Variants in ZNF497 observed in about 807,000 individuals in gnomAD.
ZNF497 encodes the protein zinc finger-like protein.
For synonymous variants in ZNF497, 422 were observed against 313.7 expected (o/e 1.35, Z -3.65); for missense variants, 930 against 714.0 (o/e 1.30, Z -3.45).
In ZNF497 at chr19:58,357,206, C is replaced by G; in HGVS notation, c.430G>C (p.Ala144Pro). ...YTCPECGKAF[A>P]WSSNLSQHQR... is the part of the protein sequence containing the mutation. ...TGCTGGCTGAGGTTGGAGCTCCAGG[C>G]GAAGGCCTTGCCGCACTCGGGGCAC... The change falls in exon 3 of 3, where the codon GCC (alanine) becomes CCC (proline). Residue 144 changes from alanine to proline, a missense_variant. Transcript: ENST00000311044. 1 of 1,605,482 alleles carries G rather than the reference C, an allele frequency of 6.2e-7. No individual in the cohort carries two copies. The highest frequency in any genetic ancestry group is 8.5e-7 in the Non-Finnish European group (1 of 1,177,290).
rs184502517 is a variant in ZNF497 at position 58,358,285 on chromosome 19, C to T, written c.-15+204G>A. 87 of 1,289,432 alleles carry T rather than the reference C, an allele frequency of 6.7e-5. No homozygotes were observed. In the African/African-American group the frequency reaches 8.5e-4, roughly 13 times the overall value. 79.9% of individuals were successfully genotyped at this position (1,289,432 alleles called of 1,614,324 possible). A position where few individuals can be genotyped will look rare whatever the true frequency, so the allele number is the denominator to read the frequency against. On this transcript the variant is annotated intron_variant, in intron 2 of 2. Transcript: ENST00000311044. ...CATGGGGTGGCTGTGCAGCCCAGAT[C>T]CCTGAGAGAGAGAGAGGCCAAGGGT...
chr19:58,357,138 C>G lies in ZNF497; in HGVS notation c.498G>C (p.Glu166Asp). 1 of 1,602,482 alleles carries G rather than the reference C, an allele frequency of 6.2e-7. No individual in the cohort carries two copies. The highest frequency in any genetic ancestry group is 2.2e-5 in the East Asian group (1 of 44,632). The change falls in exon 3 of 3, where the codon GAG becomes GAC. Residue 166 changes from glutamate to aspartate, a missense_variant. By Grantham distance (45) the Glu-to-Asp change is conservative. Coordinates refer to ENST00000311044, the MANE Select transcript of ZNF497 (RefSeq NM_198458.3). ...HSGEKPYACR[E>D]CGKAFRAHSQ... The stretch of plus-strand genomic sequence containing the variant: ...AGTGCGCGCGGAAGGCCTTGCCGCA[C>G]TCCCTGCAAGCGTAGGGCTTCTCGC...
Position 58,356,623 on chromosome 19 carries a change from G to C in ZNF497, c.1013C>G (p.Ala338Gly). 6.5e-7 allele frequency: 1 copy of C among 1,546,738 alleles called. No individual in the cohort carries two copies. Among genetic ancestry groups the C allele is most frequent in the Non-Finnish European group, 8.7e-7 (1 of 1,151,194 alleles). Reference protein sequence around the residue: ...RPFECAECGQAFVMGSYLAEH... With the variant: ...RPFECAECGQGFVMGSYLAEH... ...CGCCAGGTAGGAGCCCATGACGAAA[G>C]CCTGGCCGCACTCGGCGCACTCGAA... Residue 338 changes from alanine to glycine, a missense_variant, in exon 3 of 3, where the codon GCT becomes GGT. Ala to Gly is a moderately conservative substitution (Grantham distance 60, BLOSUM62 0). Transcript: ENST00000311044.
chr19:58,360,967 A>G (rs1441396762), intron 1 of ZNF497, among the ~76,000 whole-genome samples: 2 of 151,542 alleles, frequency 1.3e-5, no homozygotes, highest in African/African-American at 4.8e-5. Context: ...TATTTTTGGT[A>G]GAGCCGGGGT....
rs777561571 is a variant in ZNF497, at chr19:58,356,833, T to G, written c.803A>C (p.His268Pro). ...SSNLAEHLKIHAGARPHACPD... is the reference protein window; with the variant it reads ...SSNLAEHLKIPAGARPHACPD... ...ACAGGCGTGTGGCCGTGCGCCCGCG[T>G]GGATCTTCAGGTGCTCGGCCAGGTT... The change falls in exon 3 of 3, where the codon CAC becomes CCC. Residue 268 changes from histidine (H) to proline (P), a missense_variant. Transcript: ENST00000311044. The G allele has an allele frequency of 6.3e-7, 1 of 1,575,660 alleles. No individual in the cohort carries two copies. Among genetic ancestry groups the G allele is most frequent in the Non-Finnish European group, 8.6e-7 (1 of 1,166,510 alleles).
At chr19:58,358,358 C>T (rs2052052272) in intron 2 of ZNF497, 131 bp downstream of exon 2, 1 of 1,228,182 alleles carries the variant, frequency 8.1e-7, no homozygotes, top group Non-Finnish European at 1.1e-6. Flanking sequence ...TCCAGCCGAT[C>T]CTTCCCACAG....
At chr19:58,361,397 C>T (rs1333743963) in intron 1 of ZNF497, among the ~76,000 whole-genome samples, 1 of 152,114 alleles carries the variant, frequency 6.6e-6, no homozygotes, top group African/African-American at 2.4e-5. Context: ...CGCTCTGTTG[C>T]CCAGGTTGGA....
Position 58,357,714 on chromosome 19 carries a change from G to A in ZNF497, c.-14-65C>T, listed in dbSNP as rs912623107. On this transcript the variant is annotated intron_variant, in intron 2 of 2. Transcript: ENST00000311044. Reference sequence around the variant, plus strand: ...AAAGAACACCAGACAGAGGGCCTGAGGGGGACACGACGGTGGGTGGGCTGT... The same window carrying A: ...AAAGAACACCAGACAGAGGGCCTGAAGGGGACACGACGGTGGGTGGGCTGT... 7 of 1,430,932 alleles carry A rather than the reference G, an allele frequency of 4.9e-6. No homozygotes were observed. The African/African-American group carries it at 8.6e-5, about 18-fold the overall frequency. 88.6% of individuals were successfully genotyped at this position (1,430,932 alleles called of 1,614,324 possible). A position where few individuals can be genotyped will look rare whatever the true frequency, so the allele number is the denominator to read the frequency against.
intron 1 of ZNF497, chr19:58,359,100 C>T (rs1370025194): frequency 1.0e-6 from 1 of 974,414 alleles, no homozygotes; most frequent in Non-Finnish European, 1.4e-6. Context: ...CAACACAGCT[C>T]ACGCAGCTGA....
At position 58,356,651 on chromosome 19, in the gene ZNF497, G is replaced by A; in HGVS notation, c.985C>T (p.Pro329Ser). Residue 329 changes from proline (P) to serine (S), a missense_variant, in exon 3 of 3, where the codon CCC becomes TCC. Physicochemically the swap from Pro to Ser is moderately conservative, Grantham distance 74 (BLOSUM62 -1). Coordinates refer to ENST00000311044, the MANE Select transcript of ZNF497 (RefSeq NM_198458.3). ...QHQRTHTGER[P>S]FECAECGQAF... ...TGGCCGCACTCGGCGCACTCGAAGG[G>A]CCGCTCACCAGTGTGCGTGCGCTGG... 6.5e-7 allele frequency: 1 copy of A among 1,548,514 alleles called. No homozygotes were observed. Among genetic ancestry groups the A allele is most frequent in the Non-Finnish European group, 8.7e-7 (1 of 1,152,396 alleles).
rs1316866662 is a variant in ZNF497, at chr19:58,356,519, G to T, written c.1117C>A (p.Leu373Ile). 15 of 1,551,106 alleles carry T rather than the reference G, an allele frequency of 9.7e-6. No individual in the cohort carries two copies. Among genetic ancestry groups the T allele is most frequent in the Non-Finnish European group, 1.3e-5 (15 of 1,153,614 alleles). Residue 373 changes from leucine to isoleucine, a missense_variant, in exon 3 of 3, where the codon CTA becomes ATA. Coordinates refer to ENST00000311044, the MANE Select transcript of ZNF497 (RefSeq NM_198458.3). ...GAGTGCGTGCGCCGGTGGCTCAGTAGGTTGGAGCGCTGGCTGAAGGCCTTG... is the reference window on the plus strand; with the variant it reads ...GAGTGCGTGCGCCGGTGGCTCAGTATGTTGGAGCGCTGGCTGAAGGCCTTG... ...CGKAFSQRSN[L>I]LSHRRTHSGA...
rs1303995518 is a variant in ZNF497, at chr19:58,356,802, G to A, written c.834C>T (p.Asp278=). The change falls in exon 3 of 3, where the codon GAC becomes GAT. Residue 278 remains aspartate (D), a synonymous_variant. Coordinates refer to ENST00000311044, the MANE Select transcript of ZNF497 (RefSeq NM_198458.3). ...HAGARPHACP[D]CGKAFVRVAG... ...CCACACGCACGAAGGCCTTGCCGCA[G>A]TCGGGACAGGCGTGTGGCCGTGCGC... 1.9e-6 allele frequency: 3 copies of A among 1,576,192 alleles called. No individual in the cohort carries two copies. The highest frequency in any genetic ancestry group is 2.3e-5 in the East Asian group (1 of 43,274).
Position 58,357,555 on chromosome 19 carries a change from C to T in ZNF497, c.81G>A (p.Arg27=), listed in dbSNP as rs1310630170. 7.5e-6 allele frequency: 12 copies of T among 1,603,636 alleles called. No individual in the cohort carries two copies. The highest frequency in any genetic ancestry group is 3.3e-5 in the South Asian group (3 of 89,916). The change falls in exon 3 of 3, where the codon AGG becomes AGA. Residue 27 remains arginine, a synonymous_variant. Coordinates refer to ENST00000311044, the MANE Select transcript of ZNF497 (RefSeq NM_198458.3). ...QVLCNVKTAT[R]GLSEGAVSGG... ...CAGACACAGCCCCCTCAGAGAGGCC[C>T]CTCGTGGCAGTCTTCACATTGCAGA...
Position 58,357,581 on chromosome 19 carries a change from G to A in ZNF497, c.55C>T (p.Leu19Phe). 1 of 1,584,522 alleles carries A rather than the reference G, an allele frequency of 6.3e-7. No individual in the cohort carries two copies. Among genetic ancestry groups the A allele is most frequent in the Non-Finnish European group, 8.6e-7 (1 of 1,166,524 alleles). ...CTCGTGGCAGTCTTCACATTGCAGA[G>A]GACCTGGCCTTCCTCTGGGGCCACC... ...LQVAPEEGQVLCNVKTATRGL... is the reference protein window; with the variant it reads ...LQVAPEEGQVFCNVKTATRGL... Residue 19 changes from leucine to phenylalanine, a missense_variant, in exon 3 of 3, where the codon CTC becomes TTC. Leu to Phe is a conservative substitution (Grantham distance 22). Transcript: ENST00000311044.
chr19:58,359,049 G>A (rs1194584692), intron 1 of ZNF497: 1 of 568,842 alleles, frequency 1.8e-6, no homozygotes, highest in African/African-American at 1.9e-5. Context: ...AAGAGCTCCA[G>A]CATCTGCTCC....
At chr19:58,361,331 G>A (rs1015924329) in intron 1 of ZNF497, among the ~76,000 whole-genome samples, 7 of 152,304 alleles carry the variant, frequency 4.6e-5, no homozygotes, top group Admixed American at 1.3e-4. Flanking sequence ...CTGCATCTCA[G>A]TTGTGATATT....
chr19:58,362,292 C>T (rs2052102595), intron 1 of ZNF497, among the ~76,000 whole-genome samples: 1 of 152,242 alleles, frequency 6.6e-6, no homozygotes, highest in Non-Finnish European at 1.5e-5. Flanking sequence ...GAGGCGAGCC[C>T]AGCCTGGTGA....
rs777491463 is a variant in ZNF497 at position 58,357,558 on chromosome 19, C to G, written c.78G>C (p.Thr26=). 1.2e-6 allele frequency: 2 copies of G among 1,602,072 alleles called. No homozygotes were observed. The highest frequency in any genetic ancestry group is 1.7e-6 in the Non-Finnish European group (2 of 1,174,738). ...ACACAGCCCCCTCAGAGAGGCCCCT[C>G]GTGGCAGTCTTCACATTGCAGAGGA... ...GQVLCNVKTA[T]RGLSEGAVSG... is the part of the protein sequence containing the mutation. The change falls in exon 3 of 3, where the codon ACG becomes ACC. Residue 26 remains threonine, a synonymous_variant. Transcript: ENST00000311044.
At chr19:58,361,136 A>C (rs1294036774) in intron 1 of ZNF497, among the ~76,000 whole-genome samples, 2 of 152,102 alleles carry the variant, frequency 1.3e-5, no homozygotes, top group Admixed American at 1.3e-4. Flanking sequence ...TCGGCCTCCC[A>C]AAGTGCTAGT....
Sources: allele counts gnomAD v4.1 joint callset (sites outside exome capture counted in the v4.1 genomes callset), GRCh38; gene constraint gnomAD v4.1.1; transcripts MANE v1.5; gene names NCBI Gene and HGNC (gene_info 2026-07-23, HGNC 2026-07-21).